The following SLC39A11 variants were observed in gnomAD, a reference collection of about 807,000 sequenced individuals.
SLC39A11 encodes the protein zinc transporter ZIP11.
SLC39A11 carries 33 observed loss-of-function variants against 36.1 expected under a neutral mutation model. That is an observed-to-expected ratio of 0.91 (90% CI 0.69 to 1.22). The LOEUF (loss-of-function observed/expected upper bound fraction) is 1.22, where lower values mean the gene tolerates loss of function less well. Among genes scored for constraint, SLC39A11 ranks in the 50% most tolerant of loss-of-function variants. The pLI, the probability that SLC39A11 is intolerant of heterozygous loss-of-function variation, is 0.00. For missense variants in SLC39A11, 432 were observed against 430.3 expected, an observed-to-expected ratio of 1.00 and a Z score of -0.03; for synonymous variants, 166 against 170.3, an observed-to-expected ratio of 0.97 and a Z score of 0.20.
chr17:73,002,342 A>G (rs1461087558), intron 4 of SLC39A11, among the ~76,000 whole-genome samples: 1 of 152,200 alleles, frequency 6.6e-6, no homozygotes, highest in East Asian at 1.9e-4. Flanking sequence ...TCGAAGTCCT[A>G]CAGTCAGCAA....
At chr17:72,667,814 C>T (rs1276718041) in intron 7 of SLC39A11, among the ~76,000 whole-genome samples, 3 of 152,254 alleles carry the variant, frequency 2.0e-5, no homozygotes, top group African/African-American at 7.2e-5. Context: ...TTTTCTCTGG[C>T]ACTTGCTCTA....
intron 4 of SLC39A11, among the ~76,000 whole-genome samples, chr17:72,966,394 A>G (rs1315619186): frequency 1.3e-5 from 2 of 152,220 alleles, no homozygotes; most frequent in Non-Finnish European, 2.9e-5. Flanking sequence ...AGGGAGGCTT[A>G]GCACATATAC....
intron 5 of SLC39A11, among the ~76,000 whole-genome samples, chr17:72,929,448 T>C (rs1253892062): frequency 2.0e-5 from 3 of 152,066 alleles, no homozygotes; most frequent in African/African-American, 7.2e-5. Context: ...AAGGTCAATG[T>C]GCTAAGGATG....
intron 5 of SLC39A11, among the ~76,000 whole-genome samples, chr17:72,897,615 T>C (rs780716734): frequency 1.9e-4 from 29 of 152,194 alleles, no homozygotes; most frequent in South Asian, 8.3e-4. Flanking sequence ...AAGTCTAATA[T>C]CATGGTGATG....
intron 5 of SLC39A11, among the ~76,000 whole-genome samples, chr17:72,884,183 C>T (rs536073142): frequency 1.3e-5 from 2 of 151,568 alleles, no homozygotes; most frequent in African/African-American, 4.9e-5. Flanking sequence ...AAGAAAGAAA[C>T]CTTATAAAGG....
intron 5 of SLC39A11, among the ~76,000 whole-genome samples, chr17:72,911,794 T>C (rs2083017817): frequency 6.6e-6 from 1 of 152,192 alleles, no homozygotes; most frequent in East Asian, 1.9e-4. Flanking sequence ...CAGGCACACA[T>C]CACCATGTCC....
At chr17:73,088,152 G>C (rs938807456) in intron 2 of SLC39A11, among the ~76,000 whole-genome samples, 1 of 152,050 alleles carries the variant, frequency 6.6e-6, no homozygotes, top group Non-Finnish European at 1.5e-5. Flanking sequence ...AAATTAGCCA[G>C]GCGTGGTGGC....
At chr17:72,767,506 G>A (rs1480144140) in intron 6 of SLC39A11, among the ~76,000 whole-genome samples, 1 of 152,168 alleles carries the variant, frequency 6.6e-6, no homozygotes, top group African/African-American at 2.4e-5. Context: ...AATCAATGGA[G>A]ACAGAATTTC....
chr17:72,915,164 G>A (rs1183049767), intron 5 of SLC39A11, among the ~76,000 whole-genome samples: 1 of 152,032 alleles, frequency 6.6e-6, no homozygotes, highest in African/African-American at 2.4e-5. Flanking sequence ...CCTGTCCCAG[G>A]GCTAGGTAAC....
intron 6 of SLC39A11, among the ~76,000 whole-genome samples, chr17:72,739,528 G>C (rs1016145837): frequency 6.6e-6 from 1 of 152,182 alleles, no homozygotes; most frequent in Non-Finnish European, 1.5e-5. Flanking sequence ...CAGAGGTGGA[G>C]GAAACTGCAG....
chr17:72,983,777 T>G (rs1049872846), intron 4 of SLC39A11, among the ~76,000 whole-genome samples: 3 of 152,116 alleles, frequency 2.0e-5, no homozygotes, highest in African/African-American at 7.2e-5. Flanking sequence ...TCACCCAGAC[T>G]CCATAAAGAT....
intron 7 of SLC39A11, among the ~76,000 whole-genome samples, chr17:72,685,084 T>C (rs1206270679): frequency 2.6e-5 from 4 of 152,154 alleles, no homozygotes; most frequent in African/African-American, 9.7e-5. Context: ...GTCCATTTAG[T>C]TGGTAACAAT....
At chr17:73,059,574 G>A (rs1226035923) in intron 3 of SLC39A11, among the ~76,000 whole-genome samples, 1 of 150,874 alleles carries the variant, frequency 6.6e-6, no homozygotes, top group African/African-American at 2.4e-5. Context: ...AGAATCACTT[G>A]AACCTGGGAA....
At chr17:72,952,861 C>A (rs1353933236) in intron 4 of SLC39A11, among the ~76,000 whole-genome samples, 1 of 151,986 alleles carries the variant, frequency 6.6e-6, no homozygotes, top group East Asian at 1.9e-4. Context: ...ATCAGAGGGT[C>A]AGTGAGTCAC....
At chr17:73,076,705 G>A (rs546192099) in intron 3 of SLC39A11, among the ~76,000 whole-genome samples, 12 of 152,226 alleles carry the variant, frequency 7.9e-5, no homozygotes, top group Admixed American at 5.9e-4. Flanking sequence ...CACTCACTAC[G>A]TGTGCCTAAT....
rs756222961 is a variant in SLC39A11 at position 72,751,872 on chromosome 17, C to T, written c.602-15153G>A. Among the ~76,000 whole-genome samples, 6 of 152,014 alleles carry T rather than the reference C, an allele frequency of 3.9e-5. No individual in the cohort carries two copies. In the East Asian group the frequency reaches 5.8e-4, roughly 15 times the overall value. On this transcript the variant is annotated intron_variant, in intron 6 of 9. Coordinates refer to ENST00000255559, the MANE Select transcript of SLC39A11 (RefSeq NM_139177.4). ...GATTACAGGTATGAGCCACTGCACC[C>T]GGCTCCAGAGCTCTTTTTATCTTGC...
At chr17:72,847,479 G>T (rs2079106647) in intron 6 of SLC39A11, among the ~76,000 whole-genome samples, 1 of 151,934 alleles carries the variant, frequency 6.6e-6, no homozygotes, top group Non-Finnish European at 1.5e-5. Context: ...GGTCAAGAGG[G>T]GAATGAGGGA....
intron 6 of SLC39A11, among the ~76,000 whole-genome samples, chr17:72,848,220 C>T (rs572899185): frequency 2.0e-5 from 3 of 152,178 alleles, no homozygotes; most frequent in African/African-American, 4.8e-5. Context: ...TCAAGCAATT[C>T]GTCAAGATAA....
rs73345524 is a variant in SLC39A11 at position 72,914,538 on chromosome 17, A to G, written c.430+33214T>C. On this transcript the variant is annotated intron_variant, in intron 5 of 9. Transcript: ENST00000255559. ...GGTGCATCTGCAGATTTCGGTATCC[A>G]CAGGGTCCTGGAACTAATACCCCAT... 4.3e-3 allele frequency among the ~76,000 whole-genome samples: 649 copies of G among 152,228 alleles called. 2 individuals carry two copies. The highest frequency in any genetic ancestry group is 0.015 in the African/African-American group (619 of 41,532).
Sources: gnomAD v4.1 joint callset for allele counts (sites outside exome capture counted in the v4.1 genomes callset) on GRCh38, gnomAD v4.1.1 for gene constraint, MANE v1.5 for transcripts, NCBI Gene and HGNC (gene_info 2026-07-23, HGNC 2026-07-21) for gene names.